Variants in NIPBL observed in about 807,000 individuals in gnomAD.
NIPBL encodes nipped-B-like protein.
NIPBL carries 19 observed loss-of-function variants against 321.8 expected under a neutral mutation model. That is an observed-to-expected ratio of 0.06 (90% CI 0.04 to 0.09). The LOEUF (loss-of-function observed/expected upper bound fraction) is 0.09, where lower values mean the gene tolerates loss of function less well. Ranked by LOEUF, NIPBL falls within the 10% of genes least tolerant of loss-of-function variation. The pLI, the probability that NIPBL is intolerant of heterozygous loss-of-function variation, is 1.00. For synonymous variants in NIPBL, 1,106 were observed against 1,114.1 expected (o/e 0.99, Z 0.14); for missense variants, 2,210 against 3,327.0 (o/e 0.66, Z 8.26).
chr5:37,060,883 A>C lies in NIPBL; in HGVS notation c.7725A>C (p.Val2575=), dbSNP rs747852202. ...ACTCTCCATCTGAATCTGCAAAAGT[A>C]TATGATAAAGCGATAAACCGAAAAA... ...QKYSPSESAK[V]YDKAINRKTG... Residue 2575 remains valine, a synonymous_variant, in exon 45 of 47, where the codon GTA becomes GTC. Transcript: ENST00000282516. 1.9e-6 allele frequency: 3 copies of C among 1,614,084 alleles called. No individual in the cohort carries two copies.
chr5:37,014,210 A>AGGGAGACC (rs1213593040), intron 21 of NIPBL, among the ~76,000 whole-genome samples: 2 of 151,508 alleles, frequency 1.3e-5, no homozygotes, highest in African/African-American at 2.4e-5. Context: ...AGAGAGGGAG[A>AGGGAGACC]GGGAGACCGT....
chr5:36,898,881 A>G (rs926619191), intron 1 of NIPBL, among the ~76,000 whole-genome samples: 4 of 152,172 alleles, frequency 2.6e-5, no homozygotes, highest in Non-Finnish European at 5.9e-5. Context: ...TTGGCATACT[A>G]TATTGCTTCT....
At chr5:37,036,624 G>A (rs1160922004) in intron 33 of NIPBL, 137 bp downstream of exon 33, 1 of 309,572 alleles carries the variant, frequency 3.2e-6, no homozygotes, top group East Asian at 6.2e-5. Flanking sequence ...ATACATTTTT[G>A]TTATATAGGT....
At chr5:36,927,475 G>A (rs1349503701) in intron 1 of NIPBL, among the ~76,000 whole-genome samples, 2 of 152,132 alleles carry the variant, frequency 1.3e-5, no homozygotes, top group Non-Finnish European at 1.5e-5. Flanking sequence ...GTGCAAGAGT[G>A]AAAAAGACCA....
intron 32 of NIPBL, among the ~76,000 whole-genome samples, chr5:37,035,097 T>C (rs2149716199): frequency 6.6e-6 from 1 of 152,284 alleles, no homozygotes; most frequent in Non-Finnish European, 1.5e-5. Context: ...TGAGACCAGC[T>C]TGGGCAACAT....
chr5:36,907,490 G>A (rs908459398), intron 1 of NIPBL, among the ~76,000 whole-genome samples: 4 of 152,088 alleles, frequency 2.6e-5, no homozygotes, highest in Non-Finnish European at 4.4e-5. Context: ...GAAGATTAAA[G>A]TTCTAAAAGG....
At position 37,058,749 on chromosome 5, in the gene NIPBL, A is replaced by C; in HGVS notation, c.7411-142A>C. 6 of 665,084 alleles carry C rather than the reference A, an allele frequency of 9.0e-6. No individual in the cohort carries two copies. In the South Asian group the frequency reaches 1.3e-4, roughly 14 times the overall value. 41.2% of individuals were successfully genotyped at this position (665,084 alleles called of 1,614,324 possible). On this transcript the variant is annotated intron_variant, in intron 43 of 46. Transcript: ENST00000282516. ...GTTTTAGAAACTATCCCCTAAGATT[A>C]CATATCCAGTTGTTGATATAAAGTC...
chr5:36,886,118 T>G (rs1745888476), intron 1 of NIPBL: 1 of 664,182 alleles, frequency 1.5e-6, no homozygotes, highest in Non-Finnish European at 2.8e-6. Context: ...GGTCCAGTCC[T>G]TGGAGATCCA....
At chr5:36,962,940 C>A (rs936689750) in intron 6 of NIPBL, among the ~76,000 whole-genome samples, 1 of 152,008 alleles carries the variant, frequency 6.6e-6, no homozygotes, top group Non-Finnish European at 1.5e-5. Context: ...TGGAACCAAT[C>A]CCTCATGGAT....
chr5:36,956,691 C>T lies in NIPBL; in HGVS notation c.230+1054C>T, dbSNP rs1005752054. On this transcript the variant is annotated intron_variant, in intron 3 of 46. Transcript: ENST00000282516. ...CCAGGCTGGAGTGCAGTGGTGCGAT[C>T]TCGGCTCACTGCAACCTCCACCTCC... 2.4e-5 allele frequency among the ~76,000 whole-genome samples: 3 copies of T among 123,218 alleles called. No individual in the cohort carries two copies. In the South Asian group the frequency reaches 7.9e-4, roughly 33 times the overall value. The allele number at this position is 123,218 out of a possible 152,430, so 80.8% of individuals were successfully genotyped here.
At chr5:37,040,851 T>A (rs566475130) in intron 34 of NIPBL, among the ~76,000 whole-genome samples, 1 of 152,312 alleles carries the variant, frequency 6.6e-6, no homozygotes, top group African/African-American at 2.4e-5. Context: ...TATTTAGTAT[T>A]CTTTGCCAGT....
chr5:37,021,821 A>G (rs1414076206), intron 27 of NIPBL, among the ~76,000 whole-genome samples: 1 of 152,262 alleles, frequency 6.6e-6, no homozygotes, highest in African/African-American at 2.4e-5. Flanking sequence ...CAATTAAAAA[A>G]CAGGTTTAAT....
At chr5:36,941,320 T>A in intron 1 of NIPBL, among the ~76,000 whole-genome samples, 1 of 152,222 alleles carries the variant, frequency 6.6e-6, no homozygotes, top group South Asian at 2.1e-4. Context: ...TCTTTCTATA[T>A]CCCTCTTTTC....
At chr5:36,926,682 C>T (rs1749388796) in intron 1 of NIPBL, among the ~76,000 whole-genome samples, 1 of 152,108 alleles carries the variant, frequency 6.6e-6, no homozygotes, top group African/African-American at 2.4e-5. Context: ...TAGCCATTAC[C>T]TCAATATGAG....
intron 1 of NIPBL, among the ~76,000 whole-genome samples, chr5:36,927,911 C>T (rs995779782): frequency 2.0e-5 from 3 of 152,050 alleles, no homozygotes; most frequent in Non-Finnish European, 4.4e-5. Flanking sequence ...GTCTCAAAAT[C>T]CTGGCCTCAG....
At chr5:36,951,348 T>G (rs1290899188) in intron 1 of NIPBL, among the ~76,000 whole-genome samples, 1 of 152,208 alleles carries the variant, frequency 6.6e-6, no homozygotes, top group Admixed American at 6.5e-5. Flanking sequence ...ATTACTCTCT[T>G]TAGGTTCCTA....
intron 27 of NIPBL, 22 bp downstream of exon 27, chr5:37,020,899 T>C: frequency 1.4e-6 from 2 of 1,469,376 alleles, no homozygotes; most frequent in East Asian, 2.3e-5. Flanking sequence ...AAGAATTCCT[T>C]ATACAGTGAT....
At chr5:37,062,521 G>T (rs2149758053) in intron 45 of NIPBL, among the ~76,000 whole-genome samples, 1 of 152,004 alleles carries the variant, frequency 6.6e-6, no homozygotes, top group African/African-American at 2.4e-5. Flanking sequence ...ATTGTTTAAT[G>T]AGGACAGCTG....
intron 45 of NIPBL, 112 bp from the exon 46 acceptor site, chr5:37,063,678 C>G: frequency 9.8e-7 from 1 of 1,019,370 alleles, no homozygotes; most frequent in Non-Finnish European, 1.5e-6. Context: ...TAGATGATGG[C>G]TAACGTCTGT....
Sources: allele counts gnomAD v4.1 joint callset (sites outside exome capture counted in the v4.1 genomes callset), GRCh38; gene constraint gnomAD v4.1.1; transcripts MANE v1.5; gene names NCBI Gene and HGNC (gene_info 2026-07-23, HGNC 2026-07-21).